CNTN4: variants seen among roughly 807,000 people sequenced by gnomAD.
CNTN4 encodes the protein contactin-4.
CNTN4 carries 77 observed loss-of-function variants against 122.5 expected under a neutral mutation model. The observed-to-expected ratio is 0.63, with a 90% CI of 0.52 to 0.76. The LOEUF is 0.76. Among genes scored for constraint, CNTN4 ranks in the 30% least tolerant of loss-of-function variants. The pLI is 0.00. For synonymous variants in CNTN4, 512 were observed against 447.0 expected (o/e 1.15, Z -1.83); for missense variants, 1,256 against 1,259.1 (o/e 1.00, Z 0.04).
At chr3:2,517,509 G>T (rs1002392950) in intron 3 of CNTN4, among the ~76,000 whole-genome samples, 2 of 152,126 alleles carry the variant, frequency 1.3e-5, no homozygotes. Flanking sequence ...CAACCTTTCA[G>T]AGAGTAAATA....
chr3:2,161,749 A>G (rs969555003), intron 2 of CNTN4, among the ~76,000 whole-genome samples: 1 of 152,252 alleles, frequency 6.6e-6, no homozygotes, highest in Non-Finnish European at 1.5e-5. Flanking sequence ...TAGTAAGAAC[A>G]TCAAATACTA....
chr3:2,699,201 G>C (rs970303391), intron 4 of CNTN4, among the ~76,000 whole-genome samples: 1 of 152,158 alleles, frequency 6.6e-6, no homozygotes, highest in South Asian at 2.1e-4. Context: ...TCAGATTAAT[G>C]AGGACTAAGA....
chr3:2,951,499 C>A (rs977326157), intron 13 of CNTN4, among the ~76,000 whole-genome samples: 1 of 152,156 alleles, frequency 6.6e-6, no homozygotes, highest in Non-Finnish European at 1.5e-5. Context: ...GGCCATGGAC[C>A]AGTACCAGTC....
Position 2,105,317 on chromosome 3 carries a change from T to C in CNTN4, c.-145+4678T>C, listed in dbSNP as rs1482764913. ...AGCAAAACCAGCTCCTCTTGCATCATGTGAGCCCGTTAATCTGGCTATGCC... is the reference window on the plus strand; with the variant it reads ...AGCAAAACCAGCTCCTCTTGCATCACGTGAGCCCGTTAATCTGGCTATGCC... On this transcript the variant is annotated intron_variant, in intron 2 of 24. Transcript: ENST00000418658. Among the ~76,000 whole-genome samples the C allele has an allele frequency of 2.0e-5, 3 of 152,202 alleles. No individual in the cohort carries two copies. The East Asian group carries it at 5.8e-4, about 29-fold the overall frequency.
intron 14 of CNTN4, among the ~76,000 whole-genome samples, chr3:3,011,479 G>C (rs1355580536): frequency 6.6e-6 from 1 of 152,148 alleles, no homozygotes; most frequent in Non-Finnish European, 1.5e-5. Context: ...CCCTTGACTT[G>C]ATGTCATTCT....
intron 2 of CNTN4, among the ~76,000 whole-genome samples, chr3:2,189,483 G>C (rs1022331218): frequency 2.6e-5 from 4 of 152,184 alleles, no homozygotes; most frequent in Non-Finnish European, 5.9e-5. Flanking sequence ...CTGGAATAGA[G>C]AGGGTCAGTG....
At position 2,457,361 on chromosome 3, in the gene CNTN4, T is replaced by C. The variant is rs1320402785; in HGVS notation, c.-88-114055T>C. Among the ~76,000 whole-genome samples the C allele has an allele frequency of 2.0e-5, 3 of 152,096 alleles. 1 individual carries two copies. Among genetic ancestry groups the C allele is most frequent in the African/African-American group, 7.2e-5 (3 of 41,432 alleles). On this transcript the variant is annotated intron_variant, in intron 3 of 24. Coordinates refer to ENST00000418658, the MANE Select transcript of CNTN4 (RefSeq NM_175607.3). ...AATATGTATTAGTTTTCTTCCTTAA[T>C]AATGAAAATTATATAACAAACAACA... is the stretch of plus-strand genomic sequence containing the variant.
intron 4 of CNTN4, among the ~76,000 whole-genome samples, chr3:2,675,012 C>G (rs1348705430): frequency 6.6e-6 from 1 of 152,058 alleles, no homozygotes; most frequent in Non-Finnish European, 1.5e-5. Flanking sequence ...ATGGATAAGA[C>G]CTCAAAAGCA....
chr3:2,786,497 C>T (rs899537900), intron 6 of CNTN4, among the ~76,000 whole-genome samples: 9 of 151,570 alleles, frequency 5.9e-5, no homozygotes, highest in Non-Finnish European at 1.0e-4. Context: ...GCTGCGTAAG[C>T]AAGCTACCCC....
chr3:2,355,931 G>C (rs1485167533), intron 3 of CNTN4, among the ~76,000 whole-genome samples: 1 of 152,206 alleles, frequency 6.6e-6, no homozygotes, highest in African/African-American at 2.4e-5. Flanking sequence ...TTTATCCCTG[G>C]TTAGTATATA....
At chr3:2,798,366 A>ATCTAACTATCTATCTATCT (rs57013365) in intron 6 of CNTN4, among the ~76,000 whole-genome samples, 1 of 135,374 alleles carries the variant, frequency 7.4e-6, no homozygotes, top group African/African-American at 2.7e-5. Flanking sequence ...TACACACATA[A>ATCTAACTATCTATCTATCT]ATCTATCTAT....
At chr3:2,499,964 T>A (rs1451884619) in intron 3 of CNTN4, among the ~76,000 whole-genome samples, 2 of 152,160 alleles carry the variant, frequency 1.3e-5, no homozygotes, top group Non-Finnish European at 1.5e-5. Flanking sequence ...GTGAATTTTG[T>A]ACTGAAGTAT....
chr3:3,004,431 CTG>C (rs1479974795), intron 14 of CNTN4, among the ~76,000 whole-genome samples: 1 of 152,190 alleles, frequency 6.6e-6, no homozygotes, highest in African/African-American at 2.4e-5. Context: ...CTCTCTATTT[CTG>C]TGACACCGTA....
chr3:2,318,074 CTG>C (rs1379943283), intron 2 of CNTN4, among the ~76,000 whole-genome samples: 4 of 152,054 alleles, frequency 2.6e-5, no homozygotes, highest in African/African-American at 7.2e-5. Context: ...ACGCCGAGCT[CTG>C]TGGTTCTCGC....
At chr3:2,758,381 T>G (rs1198670805) in intron 6 of CNTN4, among the ~76,000 whole-genome samples, 1 of 152,204 alleles carries the variant, frequency 6.6e-6, no homozygotes, top group African/African-American at 2.4e-5. Context: ...TTGAATATTC[T>G]ATTTCCTTAA....
At chr3:2,814,530 G>A (rs1416346672) in intron 6 of CNTN4, among the ~76,000 whole-genome samples, 1 of 152,216 alleles carries the variant, frequency 6.6e-6, no homozygotes, top group Non-Finnish European at 1.5e-5. Flanking sequence ...AGGAATAGAA[G>A]ATTTGAAACC....
At chr3:2,268,553 A>G (rs1486077419) in intron 2 of CNTN4, among the ~76,000 whole-genome samples, 2 of 151,032 alleles carry the variant, frequency 1.3e-5, no homozygotes, top group Admixed American at 6.6e-5. Flanking sequence ...AGGGTATGCT[A>G]TTGTAAAACT....
chr3:3,002,695 C>G (rs1010086083), intron 14 of CNTN4, among the ~76,000 whole-genome samples: 1 of 152,104 alleles, frequency 6.6e-6, no homozygotes, highest in Non-Finnish European at 1.5e-5. Flanking sequence ...CTAAAGTTCT[C>G]TGATTTGATG....
chr3:2,526,477 A>C (rs936568270), intron 3 of CNTN4, among the ~76,000 whole-genome samples: 1 of 152,148 alleles, frequency 6.6e-6, no homozygotes, highest in African/African-American at 2.4e-5. Flanking sequence ...GAAGTTTATG[A>C]ATGAAGGAAA....
Sources: gnomAD v4.1 joint callset for allele counts (sites outside exome capture counted in the v4.1 genomes callset) on GRCh38, gnomAD v4.1.1 for gene constraint, MANE v1.5 for transcripts, NCBI Gene and HGNC (gene_info 2026-07-23, HGNC 2026-07-21) for gene names.